CSGALNACT2: variants seen among roughly 807,000 people sequenced by gnomAD.
The protein encoded by CSGALNACT2 is beta 4 GalNAcT-2.
CSGALNACT2 carries 35 observed loss-of-function variants against 55.3 expected under a neutral mutation model. The ratio of observed to expected loss-of-function variants is 0.63; its 90% CI spans 0.48 to 0.84. The LOEUF (loss-of-function observed/expected upper bound fraction) is 0.84. CSGALNACT2 is among the 40% of genes least tolerant of loss of function. CSGALNACT2 has a pLI of 0.00. For synonymous variants in CSGALNACT2, 196 were observed against 224.9 expected, an observed-to-expected ratio of 0.87 and a Z score of 1.15; for missense variants, 544 against 657.5, an observed-to-expected ratio of 0.83 and a Z score of 1.89.
At chr10:43,174,387 C>T (rs74538500) in intron 6 of CSGALNACT2, among the ~76,000 whole-genome samples, 6,668 of 152,196 alleles carry the variant, frequency 0.044, 182 homozygotes, top group South Asian at 0.089. Context: ...CTTGATATTC[C>T]TGCTATCTGC....
chr10:43,182,675 C>T (rs12262152), intron 7 of CSGALNACT2, among the ~76,000 whole-genome samples: 27,484 of 149,610 alleles, frequency 0.18, 2,693 homozygotes, highest in Admixed American at 0.25. Flanking sequence ...ACCCAAAGTT[C>T]GAGACCAGCC....
intron 6 of CSGALNACT2, among the ~76,000 whole-genome samples, chr10:43,174,724 T>C (rs531813630): frequency 2.0e-5 from 3 of 152,350 alleles, no homozygotes; most frequent in South Asian, 2.1e-4. Context: ...TCCCTAGTTA[T>C]AGCTGTTGCC....
intron 6 of CSGALNACT2, among the ~76,000 whole-genome samples, chr10:43,167,395 A>T (rs1240335545): frequency 0.012 from 1,780 of 152,250 alleles, 37 homozygotes; most frequent in African/African-American, 0.04. Context: ...GCTTATTTTT[A>T]CTAATACTAA....
At position 43,154,812 on chromosome 10, in the gene CSGALNACT2, C is replaced by T. The variant is rs1050027676; in HGVS notation, c.-253-85C>T. The T allele has an allele frequency of 1.3e-5, 3 of 225,540 alleles. 1 individual carries two copies. Among genetic ancestry groups the T allele is most frequent in the East Asian group, 2.1e-4 (2 of 9,616 alleles). 14.0% of individuals were successfully genotyped at this position (225,540 alleles called of 1,614,324 possible). ...CATAGTTCTCTGCATGTAGTAGTCA[C>T]GTAGCTAAGTTTACTGAAGCCACAA... On this transcript the variant is annotated intron_variant, in intron 1 of 7. Coordinates refer to ENST00000374466, the MANE Select transcript of CSGALNACT2 (RefSeq NM_018590.5).
At position 43,184,004 on chromosome 10, in the gene CSGALNACT2, A is replaced by G. The variant is rs2133164174; in HGVS notation, c.*462A>G. The G allele has an allele frequency of 6.4e-6, 1 of 157,474 alleles. No homozygotes were observed. The highest frequency in any genetic ancestry group is 1.9e-4 in the South Asian group (1 of 5,220). 9.8% of individuals were successfully genotyped at this position (157,474 alleles called of 1,614,324 possible). ...CCCCTGAGTCAGCCTCCTTGACTTG[A>G]TAGCTTGAAGAATCCTTTTCCACTG... On this transcript the variant is annotated 3_prime_UTR_variant, in exon 8 of 8. Coordinates refer to ENST00000374466, the MANE Select transcript of CSGALNACT2 (RefSeq NM_018590.5).
rs895740907 is a variant in CSGALNACT2 at position 43,155,339 on chromosome 10, C to A, written c.190C>A (p.Gln64Lys). 6.2e-6 allele frequency: 10 copies of A among 1,614,002 alleles called. No homozygotes were observed. Among genetic ancestry groups the A allele is most frequent in the Non-Finnish European group, 8.5e-6 (10 of 1,180,030 alleles). ...GTATTATCAAGCCCTCCTACAGGAACAAGAAGAACATTATCAGACCAGGGC... is the reference window on the plus strand; with the variant it reads ...GTATTATCAAGCCCTCCTACAGGAAAAAGAAGAACATTATCAGACCAGGGC... The part of the protein sequence containing the change: ...KEYYQALLQE[Q>K]EEHYQTRATS... Residue 64 changes from glutamine (Q) to lysine (K), a missense_variant, in exon 2 of 8, where the codon CAA becomes AAA. This residue lies in a region of CSGALNACT2 where 374 missense variants were observed against 401.3 expected (regional missense o/e 0.93). Coordinates refer to ENST00000374466, the MANE Select transcript of CSGALNACT2 (RefSeq NM_018590.5).
At chr10:43,148,920 A>G (rs1387212464) in intron 1 of CSGALNACT2, among the ~76,000 whole-genome samples, 1 of 152,188 alleles carries the variant, frequency 6.6e-6, no homozygotes, top group East Asian at 1.9e-4. Context: ...CTAGTACAAT[A>G]TAAATAGAAG....
At chr10:43,174,879 G>T (rs939951708) in intron 6 of CSGALNACT2, among the ~76,000 whole-genome samples, 1 of 152,180 alleles carries the variant, frequency 6.6e-6, no homozygotes, top group African/African-American at 2.4e-5. Flanking sequence ...ATATCCAAAA[G>T]ATTAAACACT....
intron 5 of CSGALNACT2, 72 bp downstream of exon 5, chr10:43,164,116 C>A (rs1839210422): frequency 7.0e-6 from 9 of 1,284,694 alleles, no homozygotes; most frequent in South Asian, 3.4e-5. Flanking sequence ...TAGTTTGAAT[C>A]AAGTGATTTT....
At chr10:43,171,682 G>A (rs986567968) in intron 6 of CSGALNACT2, among the ~76,000 whole-genome samples, 6 of 152,172 alleles carry the variant, frequency 3.9e-5, no homozygotes, top group African/African-American at 1.4e-4. Flanking sequence ...CTGGTTTGGA[G>A]GGTTGTAGGG....
At chr10:43,140,035 A>G (rs1838584318) in intron 1 of CSGALNACT2, among the ~76,000 whole-genome samples, 3 of 152,204 alleles carry the variant, frequency 2.0e-5, no homozygotes, top group Admixed American at 6.5e-5. Flanking sequence ...CTCTACTAAA[A>G]ATACAAAAAT....
chr10:43,141,352 G>A (rs192309683), intron 1 of CSGALNACT2, among the ~76,000 whole-genome samples: 4,987 of 151,826 alleles, frequency 0.033, 106 homozygotes, highest in Middle Eastern at 0.058. Context: ...CGAGTAGCTG[G>A]GACTACAGGC....
At chr10:43,138,727 G>C (rs1415925753) in intron 1 of CSGALNACT2, among the ~76,000 whole-genome samples, 160 bp downstream of exon 1, 2 of 152,128 alleles carry the variant, frequency 1.3e-5, no homozygotes, top group African/African-American at 2.4e-5. Context: ...GAGCCTGCCG[G>C]AGTCGGCACC....
chr10:43,156,927 G>T (rs1315662414), intron 2 of CSGALNACT2, among the ~76,000 whole-genome samples: 1 of 152,188 alleles, frequency 6.6e-6, no homozygotes, highest in Non-Finnish European at 1.5e-5. Context: ...AGCACATGTA[G>T]ACTTTTTGAC....
At chr10:43,166,707 A>G (rs1053643899) in intron 5 of CSGALNACT2, among the ~76,000 whole-genome samples, 3 of 152,240 alleles carry the variant, frequency 2.0e-5, no homozygotes, top group African/African-American at 7.2e-5. Context: ...AGATGAAACA[A>G]TGAGTAATAA....
At chr10:43,141,624 C>CAAAA (rs58889701) in intron 1 of CSGALNACT2, among the ~76,000 whole-genome samples, 5 of 68,894 alleles carry the variant, frequency 7.3e-5, no homozygotes, top group Admixed American at 2.2e-4. Flanking sequence ...GAAACTGTCT[C>CAAAA]AAAAAAAAAA....
intron 1 of CSGALNACT2, among the ~76,000 whole-genome samples, chr10:43,150,405 A>G (rs1262122973): frequency 2.0e-5 from 3 of 152,204 alleles, no homozygotes; most frequent in Non-Finnish European, 4.4e-5. Flanking sequence ...TAAAAGACTT[A>G]CAGTACAGGT....
rs993872192 is a variant in CSGALNACT2, at chr10:43,145,833, C to G, written c.-254+7266C>G. Among the ~76,000 whole-genome samples the G allele has an allele frequency of 5.3e-4, 80 of 152,166 alleles. 1 individual carries two copies. The highest frequency in any genetic ancestry group is 1.9e-3 in the African/African-American group (78 of 41,456). On this transcript the variant is annotated intron_variant, in intron 1 of 7. Transcript: ENST00000374466. Reference sequence around the variant, plus strand: ...AAGGTTGTTTTAATGGCTTAACTGGCTTTGTCCAGGGGATTTACAGACCTG... The same window carrying G: ...AAGGTTGTTTTAATGGCTTAACTGGGTTTGTCCAGGGGATTTACAGACCTG...
chr10:43,165,340 C>T (rs1180333716), intron 5 of CSGALNACT2, among the ~76,000 whole-genome samples: 1 of 150,572 alleles, frequency 6.6e-6, no homozygotes, highest in African/African-American at 2.4e-5. Flanking sequence ...ATTGCTAAGC[C>T]AGTAGTAGCA....
Sources: allele counts gnomAD v4.1 joint callset (sites outside exome capture counted in the v4.1 genomes callset), GRCh38; gene constraint gnomAD v4.1.1; regional missense constraint gnomAD v4.1.1; transcripts MANE v1.5; gene names NCBI Gene and HGNC (gene_info 2026-07-23, HGNC 2026-07-21).